Variants in SIPA1L2 observed in about 807,000 individuals in gnomAD.
SIPA1L2 encodes the protein signal induced proliferation associated 1 like 2.
SIPA1L2 carries 56 observed loss-of-function variants against 163.9 expected under a neutral mutation model. That is an observed-to-expected ratio of 0.34 (90% CI 0.28 to 0.43). SIPA1L2 has a LOEUF of 0.43. SIPA1L2 is among the 20% of genes least tolerant of loss of function. The probability of loss-of-function intolerance (pLI) is 1.00; values close to 1 mark genes in which losing one functional copy is unlikely to be tolerated. For synonymous variants in SIPA1L2, 877 were observed against 865.7 expected, an observed-to-expected ratio of 1.01 and a Z score of -0.23; for missense variants, 1,974 against 2,193.5, an observed-to-expected ratio of 0.90 and a Z score of 2.00.
intron 2 of SIPA1L2, among the ~76,000 whole-genome samples, chr1:232,567,822 G>T (rs560855180): frequency 7.9e-4 from 120 of 152,350 alleles, no homozygotes; most frequent in African/African-American, 2.8e-3. Flanking sequence ...TAATCGGAGG[G>T]TTGGGACTTT....
chr1:232,508,820 G>A lies in SIPA1L2; in HGVS notation c.1483+5037C>T, dbSNP rs149915879. Reference sequence around the variant, plus strand: ...TAAAAAAGCTGTTTTGGCTGGGTGCGGTGGCTCACGCCTGTAATCCCAGCA... The same window carrying A: ...TAAAAAAGCTGTTTTGGCTGGGTGCAGTGGCTCACGCCTGTAATCCCAGCA... On this transcript the variant is annotated intron_variant, in intron 3 of 22. Coordinates refer to ENST00000674635, the MANE Select transcript of SIPA1L2 (RefSeq NM_020808.5). Among the ~76,000 whole-genome samples, 820 of 152,300 alleles carry A rather than the reference G, an allele frequency of 5.4e-3. 9 individuals are homozygous for A. Among genetic ancestry groups the A allele is most frequent in the African/African-American group, 0.019 (773 of 41,576 alleles).
intron 10 of SIPA1L2, among the ~76,000 whole-genome samples, chr1:232,451,690 G>A (rs1251161653): frequency 5.3e-5 from 8 of 152,062 alleles, no homozygotes; most frequent in Non-Finnish European, 2.9e-5. Context: ...TGCATTTCTA[G>A]CTTCTGGCAC....
chr1:232,574,859 A>G (rs1659991747), intron 1 of SIPA1L2, among the ~76,000 whole-genome samples: 1 of 152,202 alleles, frequency 6.6e-6, no homozygotes, highest in Admixed American at 6.5e-5. Context: ...TAGACACTCT[A>G]CTAAAACACT....
rs1219146462 is a variant in SIPA1L2 at position 232,537,675 on chromosome 1, A to G, written c.-269-22067T>C. Among the ~76,000 whole-genome samples, 3 of 152,332 alleles carry G rather than the reference A, an allele frequency of 2.0e-5. No individual in the cohort carries two copies. The East Asian group carries it at 5.8e-4, about 29-fold the overall frequency. On this transcript the variant is annotated intron_variant, in intron 2 of 22. Coordinates refer to ENST00000674635, the MANE Select transcript of SIPA1L2 (RefSeq NM_020808.5). ...ACGCCAAGGTCAGAACCACAGCTCT[A>G]CTTACTAGACCATGTGTAGACATGC...
Position 232,445,782 on chromosome 1 carries a change from A to G in SIPA1L2, c.3100T>C (p.Cys1034Arg), listed in dbSNP as rs200800863. ...PHDDGSPRRG[C>R]SELCRIPMVE... ...ATAGGGATCCGGCAGAGCTCTGAAC[A>G]CCCTCTGTTGGGCCAAGAAGAAATG... The change falls in exon 11 of 23, where the codon TGT becomes CGT. Residue 1034 changes from cysteine to arginine, a missense_variant. This residue lies in a region of SIPA1L2 where 1,079 missense variants were observed against 1,150.7 expected (regional missense o/e 0.94). Transcript: ENST00000674635. 5.6e-6 allele frequency: 9 copies of G among 1,611,808 alleles called. No individual in the cohort carries two copies. The highest frequency in any genetic ancestry group is 7.6e-6 in the Non-Finnish European group (9 of 1,179,130).
intron 1 of SIPA1L2, among the ~76,000 whole-genome samples, chr1:232,611,286 C>G (rs533565639): frequency 6.6e-6 from 1 of 152,148 alleles, no homozygotes; most frequent in African/African-American, 2.4e-5. Context: ...TGGATTAATA[C>G]AGTAAATTGG....
intron 3 of SIPA1L2, among the ~76,000 whole-genome samples, chr1:232,502,436 C>A (rs1457350051): frequency 2.6e-5 from 4 of 152,186 alleles, no homozygotes; most frequent in Non-Finnish European, 5.9e-5. Flanking sequence ...GGTTACACTG[C>A]ACTCACAGAA....
At chr1:232,518,624 T>C (rs1667317666) in intron 2 of SIPA1L2, among the ~76,000 whole-genome samples, 4 of 152,148 alleles carry the variant, frequency 2.6e-5, no homozygotes, top group African/African-American at 7.2e-5. Context: ...ATCCACTGCT[T>C]GAGCTGAACT....
intron 1 of SIPA1L2, among the ~76,000 whole-genome samples, chr1:232,574,623 A>G (rs1427161365): frequency 6.6e-6 from 1 of 152,250 alleles, no homozygotes; most frequent in East Asian, 1.9e-4. Flanking sequence ...ATTAATAAAT[A>G]TTTTCAAAAT....
chr1:232,551,766 C>G (rs1658397906), intron 2 of SIPA1L2, among the ~76,000 whole-genome samples: 1 of 152,224 alleles, frequency 6.6e-6, no homozygotes, highest in Non-Finnish European at 1.5e-5. Flanking sequence ...GATAGTTTAG[C>G]TGATGAGTTG....
chr1:232,615,370 G>A (rs777825905), intron 1 of SIPA1L2, among the ~76,000 whole-genome samples: 1 of 152,290 alleles, frequency 6.6e-6, no homozygotes, highest in Admixed American at 6.5e-5. Flanking sequence ...GCAGCACAAC[G>A]TGAGCTCATT....
intron 1 of SIPA1L2, among the ~76,000 whole-genome samples, chr1:232,580,249 C>A (rs1464459539): frequency 6.6e-6 from 1 of 152,134 alleles, no homozygotes; most frequent in Non-Finnish European, 1.5e-5. Flanking sequence ...TTTTAGCATG[C>A]TGATGCATTA....
At position 232,415,348 on chromosome 1, in the gene SIPA1L2, C is replaced by T. The variant is rs374675383; in HGVS notation, c.4762+146G>A. 3.6e-5 allele frequency: 36 copies of T among 992,844 alleles called. No homozygotes were observed. The East Asian group carries it at 5.3e-4, about 15-fold the overall frequency. 61.5% of individuals were successfully genotyped at this position (992,844 alleles called of 1,614,324 possible). On this transcript the variant is annotated intron_variant, in intron 19 of 22. Coordinates refer to ENST00000674635, the MANE Select transcript of SIPA1L2 (RefSeq NM_020808.5). ...TCCTCACAGCCCAAGCCAGCCCCTG[C>T]TTGTTTTCATCATCCAACAAGGCAA... is the stretch of plus-strand genomic sequence containing the variant.
intron 2 of SIPA1L2, among the ~76,000 whole-genome samples, chr1:232,572,706 T>TAC (rs1558277255): frequency 5.2e-5 from 4 of 77,478 alleles, no homozygotes; most frequent in African/African-American, 1.6e-4. Context: ...TATATATATA[T>TAC]ATATATATAT....
chr1:232,417,758 T>C (rs970669411), intron 18 of SIPA1L2, among the ~76,000 whole-genome samples: 4 of 152,220 alleles, frequency 2.6e-5, no homozygotes, highest in African/African-American at 7.2e-5. Context: ...GCTGCTTTGC[T>C]CAAGGCAAGT....
At chr1:232,551,066 T>C (rs1321503034) in intron 2 of SIPA1L2, among the ~76,000 whole-genome samples, 1 of 152,150 alleles carries the variant, frequency 6.6e-6, no homozygotes, top group Non-Finnish European at 1.5e-5. Context: ...TATTAACTCC[T>C]AGGTGGCCCC....
At chr1:232,598,469 T>C (rs768015489) in intron 1 of SIPA1L2, among the ~76,000 whole-genome samples, 14 of 152,220 alleles carry the variant, frequency 9.2e-5, no homozygotes, top group East Asian at 1.9e-4. Flanking sequence ...TGTCTTTTGA[T>C]TCATCCATAA....
intron 10 of SIPA1L2, among the ~76,000 whole-genome samples, chr1:232,453,876 T>C (rs1663734261): frequency 6.6e-6 from 1 of 152,232 alleles, no homozygotes; most frequent in African/African-American, 2.4e-5. Context: ...TAAATGTTTT[T>C]TTAATATTAT....
chr1:232,613,405 C>G (rs935315740), intron 1 of SIPA1L2, among the ~76,000 whole-genome samples: 1 of 152,130 alleles, frequency 6.6e-6, no homozygotes, highest in Non-Finnish European at 1.5e-5. Context: ...GTACAAAGGC[C>G]CAGGCAAGAA....
Sources: allele counts gnomAD v4.1 joint callset (sites outside exome capture counted in the v4.1 genomes callset), GRCh38; gene constraint gnomAD v4.1.1; regional missense constraint gnomAD v4.1.1; transcripts MANE v1.5; gene names NCBI Gene and HGNC (gene_info 2026-07-23, HGNC 2026-07-21).